Variants in ZMAT4 observed in about 807,000 individuals in gnomAD.
ZMAT4 encodes zinc finger matrin-type 4, also known as zinc finger matrin-type protein 4.
Under a neutral mutation model 28.7 loss-of-function variants are expected in ZMAT4, and 17 were observed. That is an observed-to-expected ratio of 0.59 (90% CI 0.41 to 0.89). ZMAT4 has a LOEUF of 0.89. ZMAT4 is among the 40% of genes least tolerant of loss of function. The pLI, the probability that ZMAT4 is intolerant of heterozygous loss-of-function variation, is 0.00. For missense variants in ZMAT4, 240 were observed against 283.8 expected, an observed-to-expected ratio of 0.85 and a Z score of 1.11; for synonymous variants, 117 against 109.2, an observed-to-expected ratio of 1.07 and a Z score of -0.44.
intron 4 of ZMAT4, among the ~76,000 whole-genome samples, chr8:40,686,221 A>G (rs552604798): frequency 1.2e-4 from 19 of 152,244 alleles, no homozygotes; most frequent in Admixed American, 1.1e-3. Flanking sequence ...TGTACTTAAA[A>G]AAAAAATCAC....
intron 6 of ZMAT4, among the ~76,000 whole-genome samples, chr8:40,567,092 GA>G (rs2118493145): frequency 6.6e-6 from 1 of 152,240 alleles, no homozygotes; most frequent in East Asian, 1.9e-4. Flanking sequence ...ATAAGGAAGA[GA>G]AAAGACAGAT....
intron 3 of ZMAT4, among the ~76,000 whole-genome samples, chr8:40,726,664 C>G (rs1018308506): frequency 3.9e-5 from 6 of 152,190 alleles, no homozygotes; most frequent in African/African-American, 1.4e-4. Context: ...CAAACCTAGC[C>G]CACTGCCTGC....
At chr8:40,784,980 T>G (rs1311061515) in intron 2 of ZMAT4, among the ~76,000 whole-genome samples, 44 of 152,246 alleles carry the variant, frequency 2.9e-4, no homozygotes. Flanking sequence ...GAGCCAGGAT[T>G]TGAACCCAGG....
chr8:40,752,629 C>A (rs771673272), intron 3 of ZMAT4, among the ~76,000 whole-genome samples: 3 of 152,200 alleles, frequency 2.0e-5, no homozygotes, highest in Non-Finnish European at 4.4e-5. Context: ...GCCTGGAAGT[C>A]ATTTGGAAAC....
intron 5 of ZMAT4, among the ~76,000 whole-genome samples, chr8:40,639,620 G>T (rs377224251): frequency 6.1e-5 from 5 of 81,484 alleles, no homozygotes; most frequent in African/African-American, 1.8e-4. Flanking sequence ...GTGACAGAAG[G>T]CAAGAACACA....
intron 5 of ZMAT4, among the ~76,000 whole-genome samples, chr8:40,589,762 T>TTCTTTC (rs139887440): frequency 9.0e-5 from 3 of 33,438 alleles, no homozygotes; most frequent in East Asian, 1.1e-3. Flanking sequence ...CTTTCTTTCT[T>TTCTTTC]TTTCTTTCTT....
rs1289312379 is a variant in ZMAT4, at chr8:40,670,584, T to C, written c.577+4120A>G. On this transcript the variant is annotated intron_variant, in intron 5 of 6. Coordinates refer to ENST00000297737, the MANE Select transcript of ZMAT4 (RefSeq NM_024645.3). ...TCATTGAAGGGCTTAAGAAAATTAA[T>C]AGCCAAGTCACAAACTAGGAGAAAA... 2.0e-5 allele frequency among the ~76,000 whole-genome samples: 3 copies of C among 152,156 alleles called. No homozygotes were observed. In the East Asian group the frequency reaches 5.8e-4, roughly 29 times the overall value.
intron 5 of ZMAT4, among the ~76,000 whole-genome samples, chr8:40,596,888 A>C (rs1244712668): frequency 6.6e-6 from 1 of 152,194 alleles, no homozygotes; most frequent in Non-Finnish European, 1.5e-5. Flanking sequence ...AGCATAGGGC[A>C]GTGCATAAAG....
chr8:40,773,097 T>A (rs1813448527), intron 2 of ZMAT4, among the ~76,000 whole-genome samples: 1 of 152,086 alleles, frequency 6.6e-6, no homozygotes, highest in Non-Finnish European at 1.5e-5. Flanking sequence ...AAACCACAAG[T>A]GCTGGGGATT....
At chr8:40,644,368 G>A (rs1807201904) in intron 5 of ZMAT4, among the ~76,000 whole-genome samples, 1 of 151,970 alleles carries the variant, frequency 6.6e-6, no homozygotes, top group Non-Finnish European at 1.5e-5. Context: ...GCATCTTGTT[G>A]TGCTGGAAAA....
intron 5 of ZMAT4, among the ~76,000 whole-genome samples, chr8:40,656,598 A>T (rs546971677): frequency 2.0e-5 from 3 of 152,324 alleles, no homozygotes; most frequent in African/African-American, 7.2e-5. Context: ...TCATTAAATA[A>T]TAAAAATGAA....
intron 5 of ZMAT4, among the ~76,000 whole-genome samples, chr8:40,609,306 G>A (rs1805711163): frequency 1.3e-5 from 2 of 152,162 alleles, no homozygotes; most frequent in South Asian, 2.1e-4. Flanking sequence ...GTCTGTACTT[G>A]TGTCTTTGCA....
In ZMAT4 at chr8:40,761,646, A is replaced by AT. The variant is rs567881120; in HGVS notation, c.192+5994dup. On this transcript the variant is annotated intron_variant, in intron 3 of 6. Transcript: ENST00000297737. ...AACTACCTGATGAACTCCATATTTC[A>AT]TTTTTTTCTGTGTCCTTTACAGCAT... Among the ~76,000 whole-genome samples, 14 of 152,122 alleles carry AT rather than the reference A, an allele frequency of 9.2e-5. No homozygotes were observed. In the East Asian group the frequency reaches 2.7e-3, roughly 29 times the overall value.
At chr8:40,759,620 C>G (rs778089094) in intron 3 of ZMAT4, among the ~76,000 whole-genome samples, 1 of 152,132 alleles carries the variant, frequency 6.6e-6, no homozygotes, top group African/African-American at 2.4e-5. Flanking sequence ...ACCTTTCTGA[C>G]GTTTAAGCCA....
intron 1 of ZMAT4, among the ~76,000 whole-genome samples, chr8:40,831,928 T>G (rs1473198997): frequency 6.6e-6 from 1 of 152,138 alleles, no homozygotes; most frequent in Admixed American, 6.5e-5. Flanking sequence ...ATATAAATCA[T>G]CCGATTTAAT....
intron 3 of ZMAT4, among the ~76,000 whole-genome samples, chr8:40,723,542 C>CAAAAAAAAA (rs58513087): frequency 4.0e-4 from 27 of 66,854 alleles, no homozygotes; most frequent in East Asian, 5.9e-4. Context: ...GATTCCATCT[C>CAAAAAAAAA]AAAAAAAAAA....
chr8:40,598,969 A>G (rs749234824), intron 5 of ZMAT4, among the ~76,000 whole-genome samples: 2 of 152,212 alleles, frequency 1.3e-5, no homozygotes, highest in Non-Finnish European at 2.9e-5. Flanking sequence ...TAATTCAATA[A>G]GAGAAATAGA....
At chr8:40,786,389 A>G (rs1814082228) in intron 2 of ZMAT4, among the ~76,000 whole-genome samples, 1 of 152,246 alleles carries the variant, frequency 6.6e-6, no homozygotes, top group African/African-American at 2.4e-5. Flanking sequence ...TATTTCAGCT[A>G]TGAGAAAAGT....
intron 3 of ZMAT4, among the ~76,000 whole-genome samples, chr8:40,756,426 T>TTATATATATATATATCTA (rs1812684616): frequency 1.4e-5 from 1 of 73,276 alleles, no homozygotes; most frequent in Non-Finnish European, 2.4e-5. Context: ...AAATGTTCTT[T>TTATATATATATATATCTA]TATATATATA....
Sources: allele counts gnomAD v4.1 joint callset (sites outside exome capture counted in the v4.1 genomes callset), GRCh38; gene constraint gnomAD v4.1.1; transcripts MANE v1.5; gene names NCBI Gene and HGNC (gene_info 2026-07-23, HGNC 2026-07-21).